Variants in EMILIN2 observed in about 807,000 individuals in gnomAD.
EMILIN2 encodes EMILIN-2.
In EMILIN2, 71 loss-of-function variants were observed where a neutral mutation model predicts 87.1. The ratio of observed to expected loss-of-function variants is 0.82; its 90% CI spans 0.67 to 0.99. The LOEUF (loss-of-function observed/expected upper bound fraction) is 0.99, where lower values mean the gene tolerates loss of function less well. Ranked by LOEUF, EMILIN2 falls within the 50% of genes least tolerant of loss-of-function variation. The pLI, the probability that EMILIN2 is intolerant of heterozygous loss-of-function variation, is 0.00. For synonymous variants in EMILIN2, 581 were observed against 563.4 expected (o/e 1.03, Z -0.44); for missense variants, 1,407 against 1,371.8 (o/e 1.03, Z -0.40).
chr18:2,888,339 G>A (rs570831225), intron 3 of EMILIN2, among the ~76,000 whole-genome samples: 8 of 152,148 alleles, frequency 5.3e-5, no homozygotes, highest in South Asian at 4.2e-4. Context: ...CCCCTTTGCC[G>A]CCCTTTGTTT....
chr18:2,869,435 C>A (rs1441731178), intron 2 of EMILIN2, among the ~76,000 whole-genome samples: 1 of 152,160 alleles, frequency 6.6e-6, no homozygotes, highest in African/African-American at 2.4e-5. Flanking sequence ...CTCCACGTAC[C>A]CCCTCCCTGG....
rs2065250953 is a variant in EMILIN2 at position 2,906,882 on chromosome 18, C to G, written c.2459C>G (p.Pro820Arg). The change falls in exon 5 of 8, where the codon CCT becomes CGT. Residue 820 changes from proline to arginine, a missense_variant. Pro to Arg is a moderately radical substitution (Grantham distance 103). Transcript: ENST00000254528. The stretch of plus-strand genomic sequence containing the variant: ...AGCGGCCCCGCAACCGCAGAGGACC[C>G]TGGGCGACGGCCCGTCCTGCCCCAG... ...RPSGPATAEDPGRRPVLPQRP... is the reference protein window; with the variant it reads ...RPSGPATAEDRGRRPVLPQRP... 7.2e-7 allele frequency: 1 copy of G among 1,392,920 alleles called. No individual in the cohort carries two copies. Among genetic ancestry groups the G allele is most frequent in the Non-Finnish European group, 9.3e-7 (1 of 1,071,772 alleles). The allele number at this position is 1,392,920 out of a possible 1,614,324, so 86.3% of individuals were successfully genotyped here.
rs1333342527 is a variant in EMILIN2 at position 2,913,903 on chromosome 18, C to T, written c.*499C>T. Reference sequence around the variant, plus strand: ...CGACTTTAGTTTGGGCTGTTCCACGCTTGGCTCACCATTGCCGCCTGGGAC... The same window carrying T: ...CGACTTTAGTTTGGGCTGTTCCACGTTTGGCTCACCATTGCCGCCTGGGAC... On this transcript the variant is annotated 3_prime_UTR_variant, in exon 8 of 8. Coordinates refer to ENST00000254528, the MANE Select transcript of EMILIN2 (RefSeq NM_032048.3). The T allele has an allele frequency of 6.4e-6, 1 of 156,652 alleles. No individual in the cohort carries two copies. The highest frequency in any genetic ancestry group is 1.4e-5 in the Non-Finnish European group (1 of 70,560). The allele number at this position is 156,652 out of a possible 1,614,324, so 9.7% of individuals were successfully genotyped here. A position where few individuals can be genotyped will look rare whatever the true frequency, so the allele number is the denominator to read the frequency against.
chr18:2,895,186 C>G (rs1166462703), intron 4 of EMILIN2, among the ~76,000 whole-genome samples: 2 of 151,906 alleles, frequency 1.3e-5, no homozygotes, highest in Non-Finnish European at 1.5e-5. Flanking sequence ...CATGAGCCAC[C>G]TTGAGTGTTC....
chr18:2,903,120 A>G (rs2076895468), intron 4 of EMILIN2, among the ~76,000 whole-genome samples: 1 of 147,414 alleles, frequency 6.8e-6, no homozygotes, highest in Admixed American at 6.7e-5. Context: ...GAGGAAGGAA[A>G]GAGAGGTTGA....
rs1297239245 is a variant in EMILIN2, at chr18:2,894,263, G to A, written c.2359+1777G>A. ...AGGAGGGTGGAGAGGGTCCGAGGTA[G>A]GTGGGAAAATGCCCTGGATGTCCCC... On this transcript the variant is annotated intron_variant, in intron 4 of 7. Transcript: ENST00000254528. The surrounding 1 kb of genome is among the most constrained non-coding windows in gnomAD (Gnocchi z 5.0). Among the ~76,000 whole-genome samples, 8 of 152,130 alleles carry A rather than the reference G, an allele frequency of 5.3e-5. No homozygotes were observed. The highest frequency in any genetic ancestry group is 1.9e-4 in the African/African-American group (8 of 41,424).
intron 2 of EMILIN2, among the ~76,000 whole-genome samples, chr18:2,879,741 G>A (rs2076767904): frequency 1.3e-5 from 2 of 151,430 alleles, no homozygotes; most frequent in African/African-American, 4.9e-5. Flanking sequence ...TATGGTCTCT[G>A]TCGCCCAGGC....
intron 3 of EMILIN2, among the ~76,000 whole-genome samples, chr18:2,887,542 C>G (rs1217678396): frequency 6.6e-6 from 1 of 152,124 alleles, no homozygotes; most frequent in Non-Finnish European, 1.5e-5. Context: ...CACCTTCTCC[C>G]TTCCCTCTTG....
In EMILIN2 at chr18:2,891,697, C is replaced by T. The variant is rs772660393; in HGVS notation, c.1570C>T (p.Leu524=). 42 of 1,613,994 alleles carry T rather than the reference C, an allele frequency of 2.6e-5. No individual in the cohort carries two copies. Among genetic ancestry groups the T allele is most frequent in the Non-Finnish European group, 3.6e-5 (42 of 1,180,050 alleles). ...GCTCAGTCCCCCAGGGGCAGCAGCC[C>T]TGCCAGGAGTGTCAGGGTCAGGAGA... ...AELSPPGAAA[L]PGVSGSGDER... is the part of the protein sequence containing the mutation. Residue 524 remains leucine (L), a synonymous_variant, in exon 4 of 8, where the codon CTG becomes TTG. Coordinates refer to ENST00000254528, the MANE Select transcript of EMILIN2 (RefSeq NM_032048.3). The surrounding 1 kb of genome is among the most constrained non-coding windows in gnomAD (Gnocchi z 4.6).
chr18:2,846,897 G>T, upstream of EMILIN2: 17 of 988,268 alleles, frequency 1.7e-5, no homozygotes, highest in South Asian at 2.7e-4. The surrounding 1 kb of genome is among the most constrained non-coding windows in gnomAD (Gnocchi z 5.3). Context: ...GAGACTTGGT[G>T]GGGGGAGAGT....
chr18:2,877,648 T>G (rs570322044), intron 2 of EMILIN2, among the ~76,000 whole-genome samples: 1 of 151,678 alleles, frequency 6.6e-6, no homozygotes, highest in Non-Finnish European at 1.5e-5. Context: ...CGTGGTGGCC[T>G]GCACCTGTAA....
chr18:2,908,175 A>G (rs2076923678), intron 5 of EMILIN2, among the ~76,000 whole-genome samples: 2 of 152,200 alleles, frequency 1.3e-5, no homozygotes, highest in Non-Finnish European at 1.5e-5. Context: ...TCCATGTATC[A>G]TGGATGCTTA....
chr18:2,873,849 C>T (rs1366442444), intron 2 of EMILIN2, among the ~76,000 whole-genome samples: 1 of 152,178 alleles, frequency 6.6e-6, no homozygotes, highest in Admixed American at 6.5e-5. Context: ...CCCAAATCTT[C>T]CCTGTAGACG....
chr18:2,906,056 G>A (rs2076910323), intron 4 of EMILIN2, among the ~76,000 whole-genome samples: 1 of 152,166 alleles, frequency 6.6e-6, no homozygotes, highest in South Asian at 2.1e-4. Context: ...GCTGACGGGG[G>A]CGGCGGGGAT....
At chr18:2,904,865 G>A (rs576472829) in intron 4 of EMILIN2, among the ~76,000 whole-genome samples, 1 of 152,324 alleles carries the variant, frequency 6.6e-6, no homozygotes, top group East Asian at 1.9e-4. Context: ...TCAATTTGAA[G>A]AATCCTCCTA....
chr18:2,847,708 C>G lies in EMILIN2; in HGVS notation c.135-101C>G. The G allele has an allele frequency of 1.3e-6, 2 of 1,491,082 alleles. No homozygotes were observed. Among genetic ancestry groups the G allele is most frequent in the East Asian group, 4.8e-5 (2 of 41,398 alleles). 92.4% of individuals were successfully genotyped at this position (1,491,082 alleles called of 1,614,324 possible). ...GCCTCCGCAGAGGGCGACGGGCCCC[C>G]CCGACCCTCGCTCGGTCTGGTGCCG... On this transcript the variant is annotated intron_variant, in intron 1 of 7. Coordinates refer to ENST00000254528, the MANE Select transcript of EMILIN2 (RefSeq NM_032048.3). The surrounding 1 kb of genome is among the most constrained non-coding windows in gnomAD (Gnocchi z 4.5).
intron 4 of EMILIN2, among the ~76,000 whole-genome samples, chr18:2,892,705 A>G (rs933958333): frequency 3.3e-5 from 5 of 151,774 alleles, no homozygotes; most frequent in Non-Finnish European, 5.9e-5. Context: ...TCTGGTGCTG[A>G]GTAGCAATAA....
At chr18:2,905,720 A>C (rs937464886) in intron 4 of EMILIN2, among the ~76,000 whole-genome samples, 7 of 150,864 alleles carry the variant, frequency 4.6e-5, no homozygotes, top group Admixed American at 1.3e-4. Flanking sequence ...CTCCTGCCTC[A>C]GCCTCCCGAG....
chr18:2,903,355 T>C (rs921449983), intron 4 of EMILIN2, among the ~76,000 whole-genome samples: 9 of 152,174 alleles, frequency 5.9e-5, no homozygotes, highest in African/African-American at 2.2e-4. Context: ...TACAATTATA[T>C]TTTATAAAAA....
Sources: gnomAD v4.1 joint callset for allele counts (sites outside exome capture counted in the v4.1 genomes callset) on GRCh38, gnomAD v4.1.1 for gene constraint, Gnocchi (gnomAD v3.1) non-coding constraint, MANE v1.5 for transcripts, NCBI Gene and HGNC (gene_info 2026-07-23, HGNC 2026-07-21) for gene names.